THSD7A: variants seen among roughly 807,000 people sequenced by gnomAD.
The protein encoded by THSD7A is thrombospondin type-1 domain-containing protein 7A.
Under a neutral mutation model 231.3 loss-of-function variants are expected in THSD7A, and 96 were observed. That is an observed-to-expected ratio of 0.41 (90% confidence interval 0.35 to 0.49). The LOEUF (loss-of-function observed/expected upper bound fraction) is 0.49, where lower values mean the gene tolerates loss of function less well. Ranked by LOEUF, THSD7A falls within the 20% of genes least tolerant of loss-of-function variation. The pLI is 0.05. For synonymous variants in THSD7A, 940 were observed against 743.3 expected, an observed-to-expected ratio of 1.26 and a Z score of -4.30; for missense variants, 2,290 against 2,070.2, an observed-to-expected ratio of 1.11 and a Z score of -2.06.
rs531484590 is a variant in THSD7A, at chr7:11,375,873, T to G, written c.4895A>C (p.Lys1632Thr). The change falls in exon 28 of 28, where the codon AAG becomes ACG. Residue 1632 changes from lysine (K) to threonine (T), a missense_variant. Transcript: ENST00000423059. ...TTGCCTTCTTTGGGGTTTCTTTGGC[T>G]TTTTGCTGTAAAAAAATTCGGAATT... The part of the protein sequence containing the change: ...IVSMIYLACK[K>T]PKKPQRRQNN... The G allele has an allele frequency of 6.2e-7, 1 of 1,612,514 alleles. No homozygotes were observed. The highest frequency in any genetic ancestry group is 8.5e-7 in the Non-Finnish European group (1 of 1,178,918).
At chr7:11,573,766 A>C (rs1299263872) in intron 4 of THSD7A, among the ~76,000 whole-genome samples, 2 of 152,198 alleles carry the variant, frequency 1.3e-5, no homozygotes, top group Non-Finnish European at 2.9e-5. Context: ...GCATTTTGCA[A>C]GAGTACAGAT....
At chr7:11,418,247 G>A (rs904369235) in intron 16 of THSD7A, among the ~76,000 whole-genome samples, 4 of 152,144 alleles carry the variant, frequency 2.6e-5, no homozygotes, top group East Asian at 1.9e-4. Flanking sequence ...GTATCGCATA[G>A]GTTCTCTAAA....
intron 1 of THSD7A, among the ~76,000 whole-genome samples, chr7:11,767,825 A>G (rs1783077895): frequency 6.6e-6 from 1 of 152,190 alleles, no homozygotes; most frequent in African/African-American, 2.4e-5. Context: ...GGTTGAGGAC[A>G]ACAGAAGCTC....
At chr7:11,731,098 A>T (rs914594332) in intron 1 of THSD7A, among the ~76,000 whole-genome samples, 2 of 151,588 alleles carry the variant, frequency 1.3e-5, no homozygotes, top group Admixed American at 1.3e-4. Flanking sequence ...TCTTTTCAAT[A>T]TACTGAACTT....
At chr7:11,530,589 A>G (rs1261151500) in intron 6 of THSD7A, among the ~76,000 whole-genome samples, 2 of 152,194 alleles carry the variant, frequency 1.3e-5, no homozygotes, top group African/African-American at 2.4e-5. Flanking sequence ...TCCAAATTCC[A>G]TAAAATGTAC....
At chr7:11,388,004 T>A (rs1182993467) in intron 23 of THSD7A, among the ~76,000 whole-genome samples, 4 of 152,186 alleles carry the variant, frequency 2.6e-5, no homozygotes, top group Non-Finnish European at 5.9e-5. Flanking sequence ...GGATTATGTT[T>A]ATTGATGTAC....
At chr7:11,653,988 T>C (rs963301922) in intron 1 of THSD7A, among the ~76,000 whole-genome samples, 7 of 151,960 alleles carry the variant, frequency 4.6e-5, no homozygotes, top group African/African-American at 1.7e-4. Context: ...GATTGTCTTC[T>C]ATGTTCTTAC....
chr7:11,488,585 T>G (rs182029929), intron 6 of THSD7A, among the ~76,000 whole-genome samples: 174 of 152,234 alleles, frequency 1.1e-3, no homozygotes, highest in Admixed American at 4.5e-3. Context: ...CATATCCAGG[T>G]AGTGAGCCTG....
chr7:11,400,757 C>T (rs1783373217), intron 23 of THSD7A, among the ~76,000 whole-genome samples: 1 of 152,124 alleles, frequency 6.6e-6, no homozygotes, highest in South Asian at 2.1e-4. Flanking sequence ...GTATTCTTTT[C>T]CAACACTTTA....
intron 13 of THSD7A, among the ~76,000 whole-genome samples, chr7:11,437,101 C>T (rs1300488136): frequency 6.6e-6 from 1 of 152,102 alleles, no homozygotes; most frequent in Non-Finnish European, 1.5e-5. Context: ...AATAAGGACA[C>T]AGGATCTATT....
intron 1 of THSD7A, among the ~76,000 whole-genome samples, chr7:11,731,135 T>C (rs1008011686): frequency 1.3e-5 from 2 of 151,704 alleles, no homozygotes; most frequent in Admixed American, 6.6e-5. Flanking sequence ...TCCTATAGTA[T>C]TTATTCCCTA....
At chr7:11,548,849 T>TA (rs56231315) in intron 4 of THSD7A, among the ~76,000 whole-genome samples, 57,295 of 149,016 alleles carry the variant, frequency 0.38, 11,657 homozygotes, top group Admixed American at 0.59. Context: ...GGAAAATACC[T>TA]AAAAAAAAAA....
chr7:11,593,604 T>C, intron 2 of THSD7A, 102 bp from the exon 3 acceptor site: 3 of 1,424,466 alleles, frequency 2.1e-6, no homozygotes, highest in Non-Finnish European at 2.8e-6. Flanking sequence ...TTATTTCTAC[T>C]TGGAGGTGTG....
At chr7:11,565,679 C>T (rs112481848) in intron 4 of THSD7A, among the ~76,000 whole-genome samples, 35 of 152,294 alleles carry the variant, frequency 2.3e-4, no homozygotes, top group African/African-American at 7.9e-4. Context: ...CAATATCTGG[C>T]TCTTGGTTGT....
chr7:11,435,031 A>T (rs988147100), intron 13 of THSD7A, among the ~76,000 whole-genome samples: 16 of 152,020 alleles, frequency 1.1e-4, no homozygotes, highest in Non-Finnish European at 2.1e-4. Flanking sequence ...TTCATTTTAT[A>T]TACATTTGAA....
chr7:11,410,760 G>A (rs1783756074), intron 19 of THSD7A, among the ~76,000 whole-genome samples: 1 of 151,924 alleles, frequency 6.6e-6, no homozygotes, highest in African/African-American at 2.4e-5. Flanking sequence ...GTACTTAGAT[G>A]GTCACAGCTG....
chr7:11,558,656 G>C (rs1489338762), intron 4 of THSD7A, among the ~76,000 whole-genome samples: 1 of 152,122 alleles, frequency 6.6e-6, no homozygotes, highest in Non-Finnish European at 1.5e-5. Context: ...AAAAAAGAAA[G>C]TGATCACAAA....
intron 1 of THSD7A, among the ~76,000 whole-genome samples, chr7:11,828,458 T>C (rs1301892361): frequency 2.0e-5 from 3 of 152,232 alleles, no homozygotes; most frequent in Non-Finnish European, 2.9e-5. Context: ...TCACACCTCC[T>C]TTATCAGCCA....
chr7:11,608,138 C>T (rs1269224755), intron 2 of THSD7A, among the ~76,000 whole-genome samples: 1 of 152,110 alleles, frequency 6.6e-6, no homozygotes, highest in Non-Finnish European at 1.5e-5. Context: ...CAAGTGAAAA[C>T]TCTAGGTGGG....
Sources: gnomAD v4.1 joint callset for allele counts (sites outside exome capture counted in the v4.1 genomes callset) on GRCh38, gnomAD v4.1.1 for gene constraint, MANE v1.5 for transcripts, NCBI Gene and HGNC (gene_info 2026-07-23, HGNC 2026-07-21) for gene names.